Variants in SEPTIN9 observed in about 807,000 individuals in gnomAD.
SEPTIN9 encodes septin 9.
SEPTIN9 carries 13 observed loss-of-function variants against 56.6 expected under a neutral mutation model. That is an observed-to-expected ratio of 0.23 (90% CI 0.15 to 0.37). The LOEUF (loss-of-function observed/expected upper bound fraction) is 0.37. Ranked by LOEUF, SEPTIN9 falls within the 10% of genes least tolerant of loss-of-function variation. The pLI is 1.00. For synonymous variants in SEPTIN9, 332 were observed against 334.1 expected (o/e 0.99, Z 0.07); for missense variants, 650 against 823.1 (o/e 0.79, Z 2.57).
intron 3 of SEPTIN9, among the ~76,000 whole-genome samples, chr17:77,469,986 CCCATCTAT>C (rs965226650): frequency 1.3e-5 from 2 of 150,726 alleles, no homozygotes; most frequent in African/African-American, 4.9e-5. Context: ...CACCCATCCA[CCCATCTAT>C]CTATGCACTC....
Position 77,421,458 on chromosome 17 carries a change from G to T in SEPTIN9, c.721+18755G>T, listed in dbSNP as rs1035143288. On this transcript the variant is annotated intron_variant, in intron 3 of 11. Coordinates refer to ENST00000427177, the MANE Select transcript of SEPTIN9 (RefSeq NM_001113491.2). The surrounding 1 kb of genome is among the most constrained non-coding windows in gnomAD (Gnocchi z 4.6). ...AGGAAGTCTTTTGGCTGCGGTGGAG[G>T]TGGGGGTCTGTGCTTCCCTGGGGAC... Among the ~76,000 whole-genome samples, 3 of 152,202 alleles carry T rather than the reference G, an allele frequency of 2.0e-5. No individual in the cohort carries two copies. Among genetic ancestry groups the T allele is most frequent in the Non-Finnish European group, 4.4e-5 (3 of 68,036 alleles).
chr17:77,299,556 A>G (rs2031947063), intron 1 of SEPTIN9, among the ~76,000 whole-genome samples: 1 of 152,228 alleles, frequency 6.6e-6, no homozygotes. Context: ...GTGAAGCAGC[A>G]AGATCCTTAT....
At chr17:77,289,088 T>C (rs922282760) in intron 1 of SEPTIN9, among the ~76,000 whole-genome samples, 1 of 152,158 alleles carries the variant, frequency 6.6e-6, no homozygotes, top group Admixed American at 6.6e-5. Flanking sequence ...TTTTTTGTTT[T>C]GTTTGGTTTG....
At chr17:77,452,312 G>A (rs1027841924) in intron 3 of SEPTIN9, among the ~76,000 whole-genome samples, 3 of 152,190 alleles carry the variant, frequency 2.0e-5, no homozygotes, top group Non-Finnish European at 2.9e-5. Flanking sequence ...TGCAGCCAAC[G>A]GGGTGGTCCC....
chr17:77,442,769 A>C (rs568465127), intron 3 of SEPTIN9, among the ~76,000 whole-genome samples: 7 of 152,188 alleles, frequency 4.6e-5, no homozygotes, highest in Non-Finnish European at 7.4e-5. Context: ...GCTACTTGGG[A>C]AGCTGAGGCA....
rs567646965 is a variant in SEPTIN9 at position 77,425,412 on chromosome 17, G to A, written c.721+22709G>A. ...AGAGGTCCGGGAGGGGGATGTGACC[G>A]TGTCCCCAGGGTGAAGCCCACCCGA... is the stretch of plus-strand genomic sequence containing the variant. On this transcript the variant is annotated intron_variant, in intron 3 of 11. Coordinates refer to ENST00000427177, the MANE Select transcript of SEPTIN9 (RefSeq NM_001113491.2). The surrounding 1 kb of genome is among the most constrained non-coding windows in gnomAD (Gnocchi z 4.2). Among the ~76,000 whole-genome samples, 7 of 152,176 alleles carry A rather than the reference G, an allele frequency of 4.6e-5. No individual in the cohort carries two copies. The highest frequency in any genetic ancestry group is 6.5e-5 in the Admixed American group (1 of 15,290).
chr17:77,289,636 G>A (rs1159089451), intron 1 of SEPTIN9, among the ~76,000 whole-genome samples: 2 of 151,920 alleles, frequency 1.3e-5, no homozygotes, highest in Admixed American at 6.6e-5. Flanking sequence ...TCGAACTCCC[G>A]ACCTCAGGTG....
At chr17:77,336,666 A>G (rs955310616) in intron 2 of SEPTIN9, among the ~76,000 whole-genome samples, 11 of 152,052 alleles carry the variant, frequency 7.2e-5, no homozygotes, top group Admixed American at 5.9e-4. Context: ...GTCTTTTAGG[A>G]TTTAAATACA....
chr17:77,377,768 T>C (rs936893474), intron 2 of SEPTIN9, among the ~76,000 whole-genome samples: 5 of 152,204 alleles, frequency 3.3e-5, no homozygotes. Context: ...AAGGCCCCGT[T>C]GCTTGGTAAT....
chr17:77,410,371 A>C (rs16970057), intron 3 of SEPTIN9, among the ~76,000 whole-genome samples: 1 of 152,128 alleles, frequency 6.6e-6, no homozygotes, highest in Non-Finnish European at 1.5e-5. Context: ...TACCATCAGC[A>C]CACCTGGGTC....
At chr17:77,378,043 G>A (rs1210437812) in intron 2 of SEPTIN9, among the ~76,000 whole-genome samples, 1 of 152,166 alleles carries the variant, frequency 6.6e-6, no homozygotes, top group Non-Finnish European at 1.5e-5. Flanking sequence ...ATTTAGAGGG[G>A]GGCGGACACA....
chr17:77,417,860 C>G (rs1210664294), intron 3 of SEPTIN9, among the ~76,000 whole-genome samples: 2 of 152,220 alleles, frequency 1.3e-5, no homozygotes, highest in East Asian at 1.9e-4. Flanking sequence ...AGGAACCCAG[C>G]CTTGCTCGGG....
In SEPTIN9 at chr17:77,406,350, G is replaced by A. The variant is rs1305955045; in HGVS notation, c.721+3647G>A. 2.0e-5 allele frequency among the ~76,000 whole-genome samples: 3 copies of A among 152,160 alleles called. No homozygotes were observed. In the East Asian group the frequency reaches 5.8e-4, roughly 29 times the overall value. On this transcript the variant is annotated intron_variant, in intron 3 of 11. Coordinates refer to ENST00000427177, the MANE Select transcript of SEPTIN9 (RefSeq NM_001113491.2). ...TGCTTCTCTTTACATCACTGCCTTGGTGAACTCCTATGCATCCCTCAAAAC... is the reference window on the plus strand; with the variant it reads ...TGCTTCTCTTTACATCACTGCCTTGATGAACTCCTATGCATCCCTCAAAAC...
At chr17:77,299,129 G>C (rs1375731568) in intron 1 of SEPTIN9, among the ~76,000 whole-genome samples, 1 of 152,206 alleles carries the variant, frequency 6.6e-6, no homozygotes, top group Non-Finnish European at 1.5e-5. Context: ...GGGCAGTCCT[G>C]TCCAAGGCCA....
chr17:77,356,506 C>T (rs555585689), intron 2 of SEPTIN9, among the ~76,000 whole-genome samples: 88 of 151,302 alleles, frequency 5.8e-4, no homozygotes, highest in Middle Eastern at 3.4e-3. Flanking sequence ...CAGGGGGGAG[C>T]GACCTTGAAG....
At chr17:77,384,397 A>T (rs1262518174) in intron 2 of SEPTIN9, among the ~76,000 whole-genome samples, 1 of 151,856 alleles carries the variant, frequency 6.6e-6, no homozygotes, top group East Asian at 1.9e-4. Context: ...CTGAGGCTGG[A>T]CATTGTCCTT....
intron 2 of SEPTIN9, among the ~76,000 whole-genome samples, chr17:77,339,426 C>T (rs570815800): frequency 3.9e-5 from 6 of 152,208 alleles, no homozygotes; most frequent in South Asian, 2.1e-4. Flanking sequence ...CATACATCTC[C>T]GTCAGAGCTC....
intron 3 of SEPTIN9, among the ~76,000 whole-genome samples, chr17:77,479,429 G>A (rs921948012): frequency 6.6e-6 from 1 of 152,238 alleles, no homozygotes; most frequent in Non-Finnish European, 1.5e-5. Flanking sequence ...TGCTCTCTGC[G>A]TGCGTGCCTG....
intron 2 of SEPTIN9, chr17:77,373,624 C>T (rs1317984322): frequency 4.6e-6 from 7 of 1,520,314 alleles, no homozygotes; most frequent in South Asian, 2.5e-5. Context: ...TGGCGCGGGA[C>T]GGGGGTGCGC....
Sources: gnomAD v4.1 joint callset for allele counts (sites outside exome capture counted in the v4.1 genomes callset) on GRCh38, gnomAD v4.1.1 for gene constraint, Gnocchi (gnomAD v3.1) non-coding constraint, MANE v1.5 for transcripts, NCBI Gene and HGNC (gene_info 2026-07-23, HGNC 2026-07-21) for gene names.